Variants in SSB observed in about 807,000 individuals in gnomAD.
SSB encodes the protein lupus La protein.
SSB carries 17 observed loss-of-function variants against 52.9 expected under a neutral mutation model. The observed-to-expected ratio is 0.32, with a 90% CI of 0.22 to 0.48. SSB has a LOEUF of 0.48. SSB is among the 20% of genes least tolerant of loss of function. The pLI, the probability that SSB is intolerant of heterozygous loss-of-function variation, is 0.99. For missense variants in SSB, 314 were observed against 463.6 expected (o/e 0.68, Z 2.96); for synonymous variants, 111 against 152.1 (o/e 0.73, Z 1.99).
Position 169,808,483 on chromosome 2 carries a change from G to A in SSB, c.556G>A (p.Asp186Asn). 1 of 1,613,298 alleles carries A rather than the reference G, an allele frequency of 6.2e-7. No individual in the cohort carries two copies. The highest frequency in any genetic ancestry group is 8.5e-7 in the Non-Finnish European group (1 of 1,179,418). ...KETDLLILFK[D>N]DYFAKKNEER... ...GCCTCTGTACTGTGTGTTCTTTAGG[G>A]ACGATTACTTTGCCAAAAAAAATGA... The change falls in exon 7 of 12, where the codon GAC (aspartate) becomes AAC (asparagine). Residue 186 changes from aspartate (D) to asparagine (N), a missense_variant and splice_region_variant. Physicochemically the swap from Asp to Asn is conservative, Grantham distance 23 (BLOSUM62 1). Coordinates refer to ENST00000260956, the MANE Select transcript of SSB (RefSeq NM_003142.5).
Position 169,808,870 on chromosome 2 carries a change from G to A in SSB, c.637G>A (p.Ala213Thr), listed in dbSNP as rs866315535. 1 of 1,595,284 alleles carries A rather than the reference G, an allele frequency of 6.3e-7. No homozygotes were observed. Among genetic ancestry groups the A allele is most frequent in the African/African-American group, 1.3e-5 (1 of 74,470 alleles). ...TATTTTTATTTGTAGGGAGCAAGAAGCAAAACAAAAGTTAGAAGAAGATGC... is the reference window on the plus strand; with the variant it reads ...TATTTTTATTTGTAGGGAGCAAGAAACAAAACAAAAGTTAGAAGAAGATGC... ...AKLRAKQEQE[A>T]KQKLEEDAEM... The change falls in exon 8 of 12, where the codon GCA becomes ACA. Residue 213 changes from alanine (A) to threonine (T), a missense_variant. Ala to Thr is a moderately conservative substitution (Grantham distance 58). Coordinates refer to ENST00000260956, the MANE Select transcript of SSB (RefSeq NM_003142.5).
chr2:169,808,775 G>A (rs1689881186), intron 7 of SSB, 85 bp from the exon 8 acceptor site: 1 of 1,200,782 alleles, frequency 8.3e-7, no homozygotes, highest in South Asian at 1.3e-5. Flanking sequence ...AGTAAGTTTA[G>A]TGATCATGAT....
chr2:169,806,532 CAG>C (rs1463179249), intron 4 of SSB: 3 of 324,492 alleles, frequency 9.2e-6, no homozygotes, highest in African/African-American at 2.1e-5. Context: ...TAGTTAATAA[CAG>C]AACATGCAAA....
At position 169,811,880 on chromosome 2, in the gene SSB, TTTG is replaced by T. The variant is rs1558974253; in HGVS notation, c.*130_*132del. 6.2e-7 allele frequency: 1 copy of T among 1,612,134 alleles called. No individual in the cohort carries two copies. The highest frequency in any genetic ancestry group is 1.3e-5 in the African/African-American group (1 of 74,926). On this transcript the variant is annotated 3_prime_UTR_variant, in exon 12 of 12. Transcript: ENST00000260956. ...CCACCTGTGAGAAAGGAAAAATTTT[TTTG>T]TTGTTTAACTTGTCTTTTTGTTATG...
chr2:169,799,278 C>CTTT (rs55750138), intron 1 of SSB: 38,145 of 102,948 alleles, frequency 0.37, 8,558 homozygotes, highest in Non-Finnish European at 0.47. Flanking sequence ...CCCATTGCGT[C>CTTT]TTTTTTTTTT....
intron 4 of SSB, chr2:169,806,059 C>G: frequency 1.8e-6 from 1 of 562,342 alleles, no homozygotes; most frequent in South Asian, 1.6e-5. Flanking sequence ...CAGTCTTGAC[C>G]TCCTGGGCTC....
At chr2:169,804,686 C>T (rs1689789415) in intron 2 of SSB, among the ~76,000 whole-genome samples, 1 of 152,110 alleles carries the variant, frequency 6.6e-6, no homozygotes, top group Admixed American at 6.5e-5. Flanking sequence ...GCTGGGACTA[C>T]AGGTGTGTGC....
At chr2:169,810,239 G>A (rs202145156) in intron 8 of SSB, 44 bp from the exon 9 acceptor site, 541 of 1,513,260 alleles carry the variant, frequency 3.6e-4, no homozygotes, top group Non-Finnish European at 4.3e-4. Context: ...CTGGTCTGTT[G>A]TTGCTTTTAA....
At chr2:169,808,305 T>C (rs1689869640) in intron 6 of SSB, among the ~76,000 whole-genome samples, 177 bp from the exon 7 acceptor site, 1 of 152,146 alleles carries the variant, frequency 6.6e-6, no homozygotes, top group Non-Finnish European at 1.5e-5. Flanking sequence ...AAAGCTGTTA[T>C]ATAAAAAAAC....
chr2:169,809,286 C>T (rs1266599592), intron 8 of SSB, among the ~76,000 whole-genome samples: 2 of 152,146 alleles, frequency 1.3e-5, no homozygotes, highest in African/African-American at 4.8e-5. Flanking sequence ...GAGGCTGAGG[C>T]AGGAGAATCA....
chr2:169,802,806 G>A (rs1187141986), intron 2 of SSB, among the ~76,000 whole-genome samples: 1 of 152,056 alleles, frequency 6.6e-6, no homozygotes, highest in Non-Finnish European at 1.5e-5. Flanking sequence ...CCACCAGAGT[G>A]GTACATTTCT....
chr2:169,800,896 C>T (rs1297635409), intron 1 of SSB, 56 bp from the exon 2 acceptor site: 39 of 1,304,560 alleles, frequency 3.0e-5, no homozygotes, highest in Non-Finnish European at 4.1e-5. Context: ...CATTATCTTT[C>T]TATTCTTGAG....
Position 169,808,507 on chromosome 2 carries a change from G to C in SSB, c.580G>C (p.Glu194Gln). 1 of 1,613,610 alleles carries C rather than the reference G, an allele frequency of 6.2e-7. No homozygotes were observed. The highest frequency in any genetic ancestry group is 8.5e-7 in the Non-Finnish European group (1 of 1,179,676). ...FKDDYFAKKN[E>Q]ERKQNKVEAK... Reference sequence around the variant, plus strand: ...GGACGATTACTTTGCCAAAAAAAATGAAGAAAGAAAACAAAATAAAGTGGA... The same window carrying C: ...GGACGATTACTTTGCCAAAAAAAATCAAGAAAGAAAACAAAATAAAGTGGA... Residue 194 changes from glutamate to glutamine, a missense_variant, in exon 7 of 12, where the codon GAA (glutamate) becomes CAA (glutamine). Physicochemically the swap from Glu to Gln is conservative, Grantham distance 29. Transcript: ENST00000260956.
At chr2:169,808,942 G>A (rs751109116) in intron 8 of SSB, 40 bp downstream of exon 8, 9 of 1,481,884 alleles carry the variant, frequency 6.1e-6, no homozygotes, top group African/African-American at 2.8e-5. Flanking sequence ...TCTGTAATTC[G>A]AAGTTAAATG....
chr2:169,805,266 A>G (rs907180788), intron 2 of SSB, among the ~76,000 whole-genome samples: 1 of 152,168 alleles, frequency 6.6e-6, no homozygotes, highest in African/African-American at 2.4e-5. Flanking sequence ...TTTCTAGTCT[A>G]TTGACACATC....
intron 8 of SSB, among the ~76,000 whole-genome samples, chr2:169,809,338 G>A (rs1451496759): frequency 6.6e-6 from 1 of 152,298 alleles, no homozygotes; most frequent in South Asian, 2.1e-4. Flanking sequence ...CCAAGATCAT[G>A]CCACTGCAGT....
Position 169,811,324 on chromosome 2 carries a change from G to C in SSB, c.1138+1G>C. On this transcript the variant is annotated splice_donor_variant, in intron 11 of 11. Coordinates refer to ENST00000260956, the MANE Select transcript of SSB (RefSeq NM_003142.5). LOFTEE classifies it high-confidence loss of function. ...GAACATGATGAAAATGGTGCAACTGGTAAGTTTTTTTTAAGTCCTTTGGTA... is the reference window on the plus strand; with the variant it reads ...GAACATGATGAAAATGGTGCAACTGCTAAGTTTTTTTTAAGTCCTTTGGTA... The C allele has an allele frequency of 1.3e-6, 2 of 1,568,902 alleles. No homozygotes were observed. Among genetic ancestry groups the C allele is most frequent in the Non-Finnish European group, 1.7e-6 (2 of 1,164,600 alleles).
chr2:169,811,573 CT>C lies in SSB; in HGVS notation c.1139-90del. 2.0e-6 allele frequency: 3 copies of C among 1,499,052 alleles called. No homozygotes were observed. In the South Asian group the frequency reaches 4.0e-5, roughly 20 times the overall value. 92.9% of individuals were successfully genotyped at this position (1,499,052 alleles called of 1,614,324 possible). On this transcript the variant is annotated intron_variant, in intron 11 of 11. Coordinates refer to ENST00000260956, the MANE Select transcript of SSB (RefSeq NM_003142.5). ...CATTGGTGCAAGGAAGTTGTTGCAT[CT>C]TTTTCAACAGTATCATTATTAGTAA...
At position 169,810,312 on chromosome 2, in the gene SSB, G is replaced by A; in HGVS notation, c.699G>A (p.Leu233=). ...CTCTAGAAGAAAAGATTGGATGCTT[G>A]CTGAAATTTTCGGGTGATTTAGATG... ...MKSLEEKIGC[L]LKFSGDLDDQ... Residue 233 remains leucine (L), a synonymous_variant, in exon 9 of 12, where the codon TTG becomes TTA. Transcript: ENST00000260956. The A allele has an allele frequency of 6.2e-7, 1 of 1,605,984 alleles. No homozygotes were observed. The highest frequency in any genetic ancestry group is 1.3e-5 in the African/African-American group (1 of 74,678).
Sources: gnomAD v4.1 joint callset for allele counts (sites outside exome capture counted in the v4.1 genomes callset) on GRCh38, gnomAD v4.1.1 for gene constraint, MANE v1.5 for transcripts, NCBI Gene and HGNC (gene_info 2026-07-23, HGNC 2026-07-21) for gene names.